The following KAZN variants were observed in gnomAD, a reference collection of about 807,000 sequenced individuals.
The protein encoded by KAZN is kazrin.
A neutral mutation model predicts 87.4 loss-of-function variants in KAZN; 40 were observed. The ratio of observed to expected loss-of-function variants is 0.46; its 90% CI spans 0.36 to 0.60. The LOEUF is 0.60. Among genes scored for constraint, KAZN ranks in the 20% least tolerant of loss-of-function variants. KAZN has a pLI of 0.00. For synonymous variants in KAZN, 466 were observed against 458.3 expected (o/e 1.02, Z -0.22); for missense variants, 898 against 1,073.9 (o/e 0.84, Z 2.29).
intron 1 of KAZN, among the ~76,000 whole-genome samples, chr1:14,635,137 A>C (rs1470878092): frequency 1.3e-5 from 2 of 152,218 alleles, no homozygotes; most frequent in Non-Finnish European, 2.9e-5. Context: ...GTATTCAGTG[A>C]ACGTGAGCTT....
At chr1:15,058,290 C>A (rs1259147500) in intron 5 of KAZN, among the ~76,000 whole-genome samples, 1 of 152,196 alleles carries the variant, frequency 6.6e-6, no homozygotes, top group African/African-American at 2.4e-5. Flanking sequence ...AGGGAGGATG[C>A]CCAAGGTCAC....
At chr1:13,938,043 G>A (rs1640805111) in intron 1 of KAZN, among the ~76,000 whole-genome samples, 2 of 152,054 alleles carry the variant, frequency 1.3e-5, no homozygotes, top group South Asian at 4.1e-4. Flanking sequence ...TTTCAGGATT[G>A]TTTTTTCTAA....
intron 2 of KAZN, among the ~76,000 whole-genome samples, chr1:14,202,208 C>A (rs1646654257): frequency 1.3e-5 from 2 of 152,128 alleles, no homozygotes; most frequent in African/African-American, 4.8e-5. Flanking sequence ...CTCAGGAGCT[C>A]CTGCATTCAA....
At chr1:14,122,361 A>C (rs1644769860) in intron 1 of KAZN, among the ~76,000 whole-genome samples, 1 of 152,174 alleles carries the variant, frequency 6.6e-6, no homozygotes, top group African/African-American at 2.4e-5. Context: ...AGGAATCAAT[A>C]ACCTCTTCTG....
chr1:14,277,711 G>A (rs1432571134), intron 2 of KAZN, among the ~76,000 whole-genome samples: 3 of 150,512 alleles, frequency 2.0e-5, no homozygotes, highest in Non-Finnish European at 1.5e-5. Flanking sequence ...GGACTTCTAT[G>A]TGCCCATTTC....
intron 1 of KAZN, among the ~76,000 whole-genome samples, chr1:14,666,711 C>A (rs758364766): frequency 6.6e-6 from 1 of 152,072 alleles, no homozygotes; most frequent in Non-Finnish European, 1.5e-5. Flanking sequence ...TTTCACGGGG[C>A]CTTCTCCGTG....
chr1:14,774,471 T>TA lies in KAZN; in HGVS notation c.226+175248_226+175249insA, dbSNP rs1309996247. 2.3e-3 allele frequency among the ~76,000 whole-genome samples: 244 copies of TA among 107,410 alleles called. 1 individual carries two copies. Among genetic ancestry groups the TA allele is most frequent in the African/African-American group, 0.01 (236 of 23,326 alleles). 70.5% of individuals were successfully genotyped at this position (107,410 alleles called of 152,430 possible). A position where few individuals can be genotyped will look rare whatever the true frequency, so the allele number is the denominator to read the frequency against. On this transcript the variant is annotated intron_variant, in intron 1 of 14. Coordinates refer to ENST00000376030, the MANE Select transcript of KAZN (RefSeq NM_201628.3). Reference sequence around the variant, plus strand: ...CCTTTTCTTGGTTCTTGAACAGATTTTTTTTTTTTTTTTTTTTGAGACAAG... The same window carrying TA: ...CCTTTTCTTGGTTCTTGAACAGATTTATTTTTTTTTTTTTTTTTGAGACAAG...
intron 8 of KAZN, among the ~76,000 whole-genome samples, chr1:15,071,430 T>C (rs1412227015): frequency 6.6e-6 from 1 of 152,092 alleles, no homozygotes; most frequent in Non-Finnish European, 1.5e-5. Flanking sequence ...TTTTGTGTTG[T>C]TTTTAGTAGA....
At chr1:15,054,352 G>C (rs535149939) in intron 4 of KAZN, among the ~76,000 whole-genome samples, 1 of 151,990 alleles carries the variant, frequency 6.6e-6, no homozygotes, top group Non-Finnish European at 1.5e-5. Context: ...ATGAGCCCCC[G>C]GAGCCAATCA....
At chr1:14,360,613 G>A (rs12077519) in intron 2 of KAZN, among the ~76,000 whole-genome samples, 29,176 of 151,978 alleles carry the variant, frequency 0.19, 3,314 homozygotes, top group Admixed American at 0.26. Context: ...GCTGACCTTC[G>A]GAAGGAGTTT....
chr1:14,502,765 G>A (rs1670330046), intron 2 of KAZN, among the ~76,000 whole-genome samples: 1 of 152,172 alleles, frequency 6.6e-6, no homozygotes, highest in Non-Finnish European at 1.5e-5. Flanking sequence ...GTAAAATACA[G>A]ACATTGACAG....
At chr1:14,748,508 A>G (rs1644322414) in intron 1 of KAZN, among the ~76,000 whole-genome samples, 1 of 152,190 alleles carries the variant, frequency 6.6e-6, no homozygotes, top group Non-Finnish European at 1.5e-5. Flanking sequence ...CCGTCGTCTC[A>G]TCCGTGAAAT....
At chr1:14,841,139 C>T (rs997598401) in intron 1 of KAZN, among the ~76,000 whole-genome samples, 7 of 151,992 alleles carry the variant, frequency 4.6e-5, no homozygotes, top group Admixed American at 1.3e-4. Context: ...CATAAGCGGC[C>T]GGGTGTGGTG....
chr1:14,642,715 C>T (rs1032194363), intron 1 of KAZN, among the ~76,000 whole-genome samples: 7 of 152,084 alleles, frequency 4.6e-5, no homozygotes, highest in South Asian at 2.1e-4. Flanking sequence ...GACAAAGAAA[C>T]GATAAATATT....
intron 2 of KAZN, chr1:14,349,113 G>A (rs1658331204): frequency 6.6e-6 from 1 of 152,256 alleles, no homozygotes; most frequent in Admixed American, 6.5e-5. Flanking sequence ...ATGAACCTGT[G>A]AAGTAAAGAC....
intron 2 of KAZN, among the ~76,000 whole-genome samples, chr1:14,502,316 A>T (rs986050836): frequency 6.6e-6 from 1 of 152,152 alleles, no homozygotes; most frequent in Non-Finnish European, 1.5e-5. Context: ...TCACTGATTC[A>T]TTCATTCACC....
At chr1:14,173,156 A>G (rs1031196311) in intron 1 of KAZN, among the ~76,000 whole-genome samples, 2 of 152,202 alleles carry the variant, frequency 1.3e-5, no homozygotes, top group Non-Finnish European at 2.9e-5. Flanking sequence ...ATTTAAGATT[A>G]TCTTTAATGT....
At chr1:14,644,631 G>T (rs1277377064) in intron 1 of KAZN, among the ~76,000 whole-genome samples, 1 of 152,152 alleles carries the variant, frequency 6.6e-6, no homozygotes, top group Non-Finnish European at 1.5e-5. Context: ...AAAGTGCTGG[G>T]ATTACAAGTG....
intron 2 of KAZN, among the ~76,000 whole-genome samples, chr1:14,238,857 T>C (rs963130900): frequency 2.0e-5 from 3 of 152,212 alleles, no homozygotes; most frequent in African/African-American, 4.8e-5. Flanking sequence ...ATTTCATTTG[T>C]TACCCTGGGC....
Sources: gnomAD v4.1 joint callset for allele counts (sites outside exome capture counted in the v4.1 genomes callset) on GRCh38, gnomAD v4.1.1 for gene constraint, MANE v1.5 for transcripts, NCBI Gene and HGNC (gene_info 2026-07-23, HGNC 2026-07-21) for gene names.